Variants in ANTXR1 observed in about 807,000 individuals in gnomAD.
The protein encoded by ANTXR1 is ANTXR cell adhesion molecule 1, also known as anthrax toxin receptor 1.
A neutral mutation model predicts 78.1 loss-of-function variants in ANTXR1; 19 were observed. That is an observed-to-expected ratio of 0.24 (90% confidence interval 0.17 to 0.36). ANTXR1 has a LOEUF of 0.36. Among genes scored for constraint, ANTXR1 ranks in the 10% least tolerant of loss-of-function variants. The pLI, the probability that ANTXR1 is intolerant of heterozygous loss-of-function variation, is 1.00. For synonymous variants in ANTXR1, 273 were observed against 260.5 expected (o/e 1.05, Z -0.46); for missense variants, 518 against 718.6 (o/e 0.72, Z 3.19).
intron 1 of ANTXR1, among the ~76,000 whole-genome samples, chr2:69,037,156 G>T (rs1669459966): frequency 6.6e-6 from 1 of 152,220 alleles, no homozygotes; most frequent in Admixed American, 6.5e-5. Flanking sequence ...ATTGGCGAGA[G>T]CCATCTGAGT....
intron 14 of ANTXR1, among the ~76,000 whole-genome samples, chr2:69,179,278 G>T (rs74357057): frequency 0.081 from 12,384 of 152,172 alleles, 1,706 homozygotes; most frequent in African/African-American, 0.28. Context: ...CATGTGCGGT[G>T]GCTCACACCT....
chr2:69,013,398 G>T lies in ANTXR1; in HGVS notation c.-102G>T. On this transcript the variant is annotated 5_prime_UTR_variant, in exon 1 of 18. The change creates a new upstream start codon in the 5' untranslated region. Coordinates refer to ENST00000303714, the MANE Select transcript of ANTXR1 (RefSeq NM_032208.3). The surrounding 1 kb of genome is among the most constrained non-coding windows in gnomAD (Gnocchi z 5.0). Reference sequence around the variant, plus strand: ...TTGCGAGGGAGCGAGGGGGAATAAAGGACCCGCGAGGAAGGGCCCGCGGAT... The same window carrying T: ...TTGCGAGGGAGCGAGGGGGAATAAATGACCCGCGAGGAAGGGCCCGCGGAT... The T allele has an allele frequency of 6.7e-7, 1 of 1,501,766 alleles. No homozygotes were observed. Among genetic ancestry groups the T allele is most frequent in the Non-Finnish European group, 9.1e-7 (1 of 1,104,968 alleles). The allele number at this position is 1,501,766 out of a possible 1,614,324, so 93.0% of individuals were successfully genotyped here.
intron 1 of ANTXR1, among the ~76,000 whole-genome samples, chr2:69,021,359 A>G (rs1406623472): frequency 6.6e-6 from 1 of 152,254 alleles, no homozygotes; most frequent in Non-Finnish European, 1.5e-5. Context: ...CAATCAAGGT[A>G]GGTCAGGTTA....
At chr2:69,165,442 C>T (rs1449861315) in intron 13 of ANTXR1, among the ~76,000 whole-genome samples, 1 of 152,226 alleles carries the variant, frequency 6.6e-6, no homozygotes, top group African/African-American at 2.4e-5. Context: ...TTTCTCATGC[C>T]ATGAGATGAG....
chr2:69,176,567 A>C (rs940264963), intron 14 of ANTXR1, among the ~76,000 whole-genome samples: 1 of 152,316 alleles, frequency 6.6e-6, no homozygotes, highest in East Asian at 1.9e-4. Context: ...CATTCTCACG[A>C]AACTCACTCC....
At chr2:69,054,253 G>T (rs1465596240) in intron 3 of ANTXR1, among the ~76,000 whole-genome samples, 3 of 152,060 alleles carry the variant, frequency 2.0e-5, no homozygotes, top group South Asian at 2.1e-4. Flanking sequence ...CTCAAGAAGC[G>T]CTATCCCAGT....
At chr2:69,203,743 C>T (rs1053313604) in intron 17 of ANTXR1, among the ~76,000 whole-genome samples, 1 of 152,002 alleles carries the variant, frequency 6.6e-6, no homozygotes, top group African/African-American at 2.4e-5. Context: ...TCCTCCTCCT[C>T]CTTATTATCA....
In ANTXR1 at chr2:69,246,526, G is replaced by A. The variant is rs1185318134; in HGVS notation, c.*1041G>A. ...TAAAGCCATGCACCACAGACTTCTG[G>A]GCAGAGCTGAGAGACAATGGTCCTG... On this transcript the variant is annotated 3_prime_UTR_variant, in exon 18 of 18. Coordinates refer to ENST00000303714, the MANE Select transcript of ANTXR1 (RefSeq NM_032208.3). 6.6e-6 allele frequency: 1 copy of A among 151,886 alleles called. No individual in the cohort carries two copies. The highest frequency in any genetic ancestry group is 1.5e-5 in the Non-Finnish European group (1 of 68,004). 9.4% of individuals were successfully genotyped at this position (151,886 alleles called of 1,614,324 possible).
At chr2:69,209,634 G>T (rs1456254291) in intron 17 of ANTXR1, among the ~76,000 whole-genome samples, 1 of 152,188 alleles carries the variant, frequency 6.6e-6, no homozygotes, top group Non-Finnish European at 1.5e-5. Flanking sequence ...CTCTAAAGAG[G>T]CGACATTGAA....
At chr2:69,102,658 C>G (rs1252361917) in intron 9 of ANTXR1, among the ~76,000 whole-genome samples, 184 bp from the exon 10 acceptor site, 2 of 152,194 alleles carry the variant, frequency 1.3e-5, no homozygotes, top group Non-Finnish European at 2.9e-5. Context: ...CTTGGGACAC[C>G]TAGTGAGGAT....
chr2:69,172,677 T>A, intron 14 of ANTXR1: 1 of 513,642 alleles, frequency 1.9e-6, no homozygotes, highest in Non-Finnish European at 2.7e-6. Context: ...ACTTAGAGAA[T>A]GAAGATAACT....
intron 1 of ANTXR1, among the ~76,000 whole-genome samples, chr2:69,026,211 T>C (rs1340833749): frequency 6.6e-6 from 1 of 152,218 alleles, no homozygotes; most frequent in Non-Finnish European, 1.5e-5. Flanking sequence ...AGAAAGACTT[T>C]ATGAGCATAG....
rs189096633 is a variant in ANTXR1, at chr2:69,053,843, C to T, written c.296+9030C>T. Among the ~76,000 whole-genome samples the T allele has an allele frequency of 2.4e-3, 361 of 152,230 alleles. 2 individuals are homozygous for T. Among genetic ancestry groups the T allele is most frequent in the Admixed American group, 3.3e-3 (50 of 15,276 alleles). On this transcript the variant is annotated intron_variant, in intron 3 of 17. Coordinates refer to ENST00000303714, the MANE Select transcript of ANTXR1 (RefSeq NM_032208.3). ...TTCATTCATATACTCACTGGCAACA[C>T]CATCTTTTTAACTCACAAAATTAAA...
At chr2:69,245,001 G>C (rs1302554541) in intron 17 of ANTXR1, among the ~76,000 whole-genome samples, 2 of 152,122 alleles carry the variant, frequency 1.3e-5, no homozygotes, top group Non-Finnish European at 2.9e-5. Context: ...CCACTTGAGA[G>C]AGTTAGACTC....
At chr2:69,212,372 G>A (rs183075516) in intron 17 of ANTXR1, among the ~76,000 whole-genome samples, 1 of 152,118 alleles carries the variant, frequency 6.6e-6, no homozygotes, top group Non-Finnish European at 1.5e-5. Context: ...TAGTGGAAAA[G>A]AAGATCCATG....
Position 69,239,595 on chromosome 2 carries a change from A to C in ANTXR1, c.1435-5630A>C, listed in dbSNP as rs188393195. On this transcript the variant is annotated intron_variant, in intron 17 of 17. Transcript: ENST00000303714. ...GGAATTATAGAATATTAGGGCTGAA[A>C]GGCCCTTGAACGTCATCTAGCCGGT... Among the ~76,000 whole-genome samples the C allele has an allele frequency of 2.5e-4, 38 of 152,372 alleles. 1 individual carries two copies. The highest frequency in any genetic ancestry group is 7.7e-4 in the African/African-American group (32 of 41,592).
chr2:69,106,063 T>C (rs1203587705), intron 10 of ANTXR1, among the ~76,000 whole-genome samples: 3 of 152,238 alleles, frequency 2.0e-5, no homozygotes, highest in African/African-American at 7.2e-5. Flanking sequence ...GCTCTAAAGA[T>C]ATAGGTAGGG....
chr2:69,156,635 G>A (rs1006832631), intron 13 of ANTXR1, among the ~76,000 whole-genome samples: 1 of 152,232 alleles, frequency 6.6e-6, no homozygotes, highest in East Asian at 1.9e-4. Context: ...TGATGGCAGA[G>A]GGGGAGCGAG....
chr2:69,062,344 T>A (rs1051893796), intron 3 of ANTXR1, among the ~76,000 whole-genome samples: 1 of 152,226 alleles, frequency 6.6e-6, no homozygotes, highest in African/African-American at 2.4e-5. Context: ...ATTCTCATTG[T>A]GCTTGGATTC....
Sources: allele counts gnomAD v4.1 joint callset (sites outside exome capture counted in the v4.1 genomes callset), GRCh38; gene constraint gnomAD v4.1.1; non-coding constraint Gnocchi (gnomAD v3.1); transcripts MANE v1.5; gene names NCBI Gene and HGNC (gene_info 2026-07-23, HGNC 2026-07-21).